The following HNF4A variants were observed in gnomAD, a reference collection of about 807,000 sequenced individuals.
HNF4A encodes the protein hepatocyte nuclear factor 4-alpha.
HNF4A carries 15 observed loss-of-function variants against 52.4 expected under a neutral mutation model. That is an observed-to-expected ratio of 0.29 (90% CI 0.19 to 0.44). The LOEUF (loss-of-function observed/expected upper bound fraction) is 0.44. HNF4A is among the 20% of genes least tolerant of loss of function. HNF4A has a pLI of 1.00. For missense variants in HNF4A, 479 were observed against 647.2 expected, an observed-to-expected ratio of 0.74 and a Z score of 2.82; for synonymous variants, 280 against 264.4, an observed-to-expected ratio of 1.06 and a Z score of -0.57.
chr20:44,432,793 T>C lies in HNF4A; in HGVS notation c.*3128T>C, dbSNP rs2063894014. ...AAACAAAAAACATTTCTTACTCTTC[T>C]GTGTTTTAACAAAAGTTTATAAAAC... On this transcript the variant is annotated 3_prime_UTR_variant, in exon 10 of 10. Coordinates refer to ENST00000316099, the MANE Select transcript of HNF4A (RefSeq NM_000457.6). 1 of 152,140 alleles carries C rather than the reference T, an allele frequency of 6.6e-6. No individual in the cohort carries two copies. Among genetic ancestry groups the C allele is most frequent in the South Asian group, 2.1e-4 (1 of 4,830 alleles). 9.4% of individuals were successfully genotyped at this position (152,140 alleles called of 1,614,324 possible).
chr20:44,401,157 G>A (rs561993274), upstream of HNF4A: 35 of 1,418,914 alleles, frequency 2.5e-5, no homozygotes, highest in Admixed American at 9.9e-5. Flanking sequence ...ATCCACCGGC[G>A]GGGGACCGAT....
In HNF4A at chr20:44,416,702, CTCAT is replaced by C. The variant is rs145964660; in HGVS notation, c.649-1709_649-1706del. On this transcript the variant is annotated intron_variant, in intron 5 of 9. Coordinates refer to ENST00000316099, the MANE Select transcript of HNF4A (RefSeq NM_000457.6). ...GCTAGAGAGGAAGTCAAGATGTTTG[CTCAT>C]TCATTCATTCATTTCCCCTTTCCTT... is the stretch of plus-strand genomic sequence containing the variant. 6.0e-4 allele frequency among the ~76,000 whole-genome samples: 91 copies of C among 152,336 alleles called. No individual in the cohort carries two copies. In the South Asian group the frequency reaches 0.013, roughly 22 times the overall value.
chr20:44,410,189 A>AG (rs1203136889), intron 3 of HNF4A, among the ~76,000 whole-genome samples: 1 of 152,232 alleles, frequency 6.6e-6, no homozygotes, highest in Non-Finnish European at 1.5e-5. Flanking sequence ...GGCTCCTGGA[A>AG]GGGGGATGAG....
At chr20:44,402,601 T>A in intron 1 of HNF4A, 1 of 1,365,856 alleles carries the variant, frequency 7.3e-7, no homozygotes. Flanking sequence ...CCCTCCGACA[T>A]CACTGGAGCA....
chr20:44,429,494 A>G (rs762467564), intron 9 of HNF4A, 29 bp from the exon 10 acceptor site: 5 of 1,614,078 alleles, frequency 3.1e-6, no homozygotes, highest in Non-Finnish European at 4.2e-6. Context: ...AATTTTGAGC[A>G]GCCCCTGTCT....
At position 44,371,468 on chromosome 20, in the gene HNF4A, G is replaced by A. The variant is rs193287180; in HGVS notation, c.49+15615G>A. Among the ~76,000 whole-genome samples, 609 of 152,148 alleles carry A rather than the reference G, an allele frequency of 4.0e-3. 2 individuals are homozygous for A. The highest frequency in any genetic ancestry group is 6.5e-3 in the Non-Finnish European group (441 of 67,990). On this transcript the variant is annotated intron_variant, in intron 1 of 9. Transcript: ENST00000316673. ...TAATTTTTGTATTTTTAGTAGAGAC[G>A]GGGTTTCGCCATGTTGGCCAGGCTG...
intron 1 of HNF4A, chr20:44,402,596 C>G: frequency 7.3e-7 from 1 of 1,365,898 alleles, no homozygotes; most frequent in Non-Finnish European, 9.8e-7. Flanking sequence ...GCATCCCCTC[C>G]GACATCACTG....
chr20:44,370,763 C>T (rs1360373184), intron 1 of HNF4A, among the ~76,000 whole-genome samples: 1 of 152,160 alleles, frequency 6.6e-6, no homozygotes, highest in Non-Finnish European at 1.5e-5. Flanking sequence ...GGGTGAGCAG[C>T]TGGATGGGCC....
chr20:44,419,872 C>T lies in HNF4A; in HGVS notation c.888C>T (p.Asp296=), dbSNP rs2063720427. ...ACCTCAAAGCCATCATCTTCTTTGA[C>T]CCAGGTACAGTGCACACCTCCTAAG... The change falls in exon 7 of 10, where the codon GAC becomes GAT. Residue 296 remains aspartate, a synonymous_variant. Coordinates refer to ENST00000316099, the MANE Select transcript of HNF4A (RefSeq NM_000457.6). The T allele has an allele frequency of 2.5e-6, 4 of 1,613,946 alleles. No individual in the cohort carries two copies. Among genetic ancestry groups the T allele is most frequent in the Admixed American group, 1.7e-5 (1 of 60,000 alleles).
rs113391211 is a variant in HNF4A, at chr20:44,363,119, G to C, written c.49+7266G>C. ...GATCTGCCCGCCTCGGCCTCCCAAA[G>C]TGCTGGGATTACAGGCCTGAGCCAC... On this transcript the variant is annotated intron_variant, in intron 1 of 9. Coordinates refer to the HNF4A transcript ENST00000316673. Among the ~76,000 whole-genome samples, 31 of 152,128 alleles carry C rather than the reference G, an allele frequency of 2.0e-4. No individual in the cohort carries two copies. The East Asian group carries it at 3.9e-3, about 19-fold the overall frequency.
In HNF4A at chr20:44,387,536, T is replaced by A. The variant is rs1186227756; in HGVS notation, c.50-18522T>A. Among the ~76,000 whole-genome samples the A allele has an allele frequency of 4.6e-5, 7 of 150,936 alleles. 1 individual carries two copies. The highest frequency in any genetic ancestry group is 1.0e-4 in the Non-Finnish European group (7 of 67,832). ...AAATGCATAGGAAGTCATAAAAATT[T>A]AAGTAGAAGAGGATCTGAGCCAATG... On this transcript the variant is annotated intron_variant, in intron 1 of 9. Coordinates refer to the HNF4A transcript ENST00000316673.
At chr20:44,401,065 G>A (rs943217461), upstream of HNF4A, among the ~76,000 whole-genome samples, 1 of 152,040 alleles carries the variant, frequency 6.6e-6, no homozygotes, top group African/African-American at 2.4e-5. Context: ...CGGTGAGTTA[G>A]GGCCCCAGCA....
chr20:44,389,906 T>A (rs1442564285), intron 1 of HNF4A: 1 of 152,062 alleles, frequency 6.6e-6, no homozygotes, highest in East Asian at 1.9e-4. Context: ...GACCACGGGG[T>A]TCTGGAAGCT....
intron 1 of HNF4A, among the ~76,000 whole-genome samples, chr20:44,396,093 A>G (rs939148916): frequency 2.0e-5 from 3 of 152,204 alleles, no homozygotes; most frequent in African/African-American, 4.8e-5. Flanking sequence ...TCCAGGAGTC[A>G]TGATGCAGGC....
At position 44,432,344 on chromosome 20, in the gene HNF4A, C is replaced by CTTTTTTTTTTTTTTT. The variant is rs11450239; in HGVS notation, c.*2689_*2703dup. The CTTTTTTTTTTTTTTT allele has an allele frequency of 1.7e-5, 1 of 58,978 alleles. No individual in the cohort carries two copies. Among genetic ancestry groups the CTTTTTTTTTTTTTTT allele is most frequent in the Non-Finnish European group, 3.0e-5 (1 of 33,112 alleles). 3.7% of individuals were successfully genotyped at this position (58,978 alleles called of 1,614,324 possible). A position where few individuals can be genotyped will look rare whatever the true frequency, so the allele number is the denominator to read the frequency against. On this transcript the variant is annotated 3_prime_UTR_variant, in exon 10 of 10. Transcript: ENST00000316099. ...ATGATATTAGAAAATCTCTCGCTCT[C>CTTTTTTTTTTTTTTT]TTTTTTTTTTTTTTTTTTTTTTTTG...
intron 1 of HNF4A, chr20:44,401,587 G>T: frequency 1.4e-6 from 2 of 1,440,356 alleles, no homozygotes; most frequent in Non-Finnish European, 1.9e-6. Flanking sequence ...GGAGGAGAAT[G>T]ATACAAAATG....
At chr20:44,407,568 C>T in intron 3 of HNF4A, 93 bp downstream of exon 3, 2 of 893,846 alleles carry the variant, frequency 2.2e-6, no homozygotes, top group South Asian at 1.4e-5. Context: ...CACTTTATGA[C>T]TCAGTGGCAG....
intron 1 of HNF4A, among the ~76,000 whole-genome samples, chr20:44,379,661 C>T (rs752989561): frequency 1.3e-5 from 2 of 151,954 alleles, no homozygotes; most frequent in African/African-American, 2.4e-5. Flanking sequence ...AAGCGATTCT[C>T]CTGCTTCAGC....
chr20:44,374,640 T>G (rs998028788), intron 1 of HNF4A, among the ~76,000 whole-genome samples: 5 of 152,076 alleles, frequency 3.3e-5, no homozygotes, highest in African/African-American at 1.2e-4. Context: ...ATTTTTGTAT[T>G]TTTAGTAGAG....
Sources: allele counts gnomAD v4.1 joint callset (sites outside exome capture counted in the v4.1 genomes callset), GRCh38; gene constraint gnomAD v4.1.1; transcripts MANE v1.5; gene names NCBI Gene and HGNC (gene_info 2026-07-23, HGNC 2026-07-21).